Variants in GARS1 observed in about 807,000 individuals in gnomAD.
GARS1 encodes glycyl-tRNA synthetase 1, also known as glycine--tRNA ligase.
GARS1 carries 46 observed loss-of-function variants against 86.4 expected under a neutral mutation model. The ratio of observed to expected loss-of-function variants is 0.53; its 90% CI spans 0.42 to 0.68. The LOEUF (loss-of-function observed/expected upper bound fraction) is 0.68, where lower values mean the gene tolerates loss of function less well. GARS1 is among the 30% of genes least tolerant of loss of function. The pLI is 0.00. For missense variants in GARS1, 797 were observed against 915.6 expected (o/e 0.87, Z 1.67); for synonymous variants, 342 against 329.8 (o/e 1.04, Z -0.40).
intron 1 of GARS1, chr7:30,595,974 A>C: frequency 2.2e-6 from 1 of 460,110 alleles, no homozygotes; most frequent in Non-Finnish European, 4.5e-6. Flanking sequence ...TGGTGATTTA[A>C]TATAGACCTC....
At chr7:30,597,474 C>A (rs1275365653) in intron 1 of GARS1, among the ~76,000 whole-genome samples, 1 of 152,170 alleles carries the variant, frequency 6.6e-6, no homozygotes, top group African/African-American at 2.4e-5. Flanking sequence ...TGTCTTTCTT[C>A]ATATACTTTA....
intron 14 of GARS1, among the ~76,000 whole-genome samples, chr7:30,630,079 A>T (rs1783206346): frequency 6.6e-6 from 1 of 152,222 alleles, no homozygotes. Flanking sequence ...GAAGCCAAAA[A>T]TGTTTCTAAA....
chr7:30,621,594 T>G, intron 11 of GARS1, 94 bp downstream of exon 11: 1 of 928,336 alleles, frequency 1.1e-6, no homozygotes, highest in Non-Finnish European at 1.8e-6. Flanking sequence ...TATGGATAAA[T>G]GGAGATGTTT....
intron 1 of GARS1, among the ~76,000 whole-genome samples, chr7:30,596,180 G>A (rs1791242548): frequency 1.3e-5 from 2 of 152,186 alleles, no homozygotes; most frequent in Non-Finnish European, 2.9e-5. Flanking sequence ...GCTACAGAGG[G>A]TGGAACCCTA....
At chr7:30,594,784 GCGCCGCGTCA>G, upstream of GARS1, 1 of 719,830 alleles carries the variant, frequency 1.4e-6, no homozygotes, top group East Asian at 2.9e-5. Context: ...CGGCGACCCG[GCGCCGCGTCA>G]CGCGGTGGTG....
rs1224733756 is a variant in GARS1 at position 30,612,080 on chromosome 7, T to G, written c.882-16T>G. 3.7e-6 allele frequency: 6 copies of G among 1,608,104 alleles called. No homozygotes were observed. Among genetic ancestry groups the G allele is most frequent in the Non-Finnish European group, 5.1e-6 (6 of 1,174,546 alleles). On this transcript the variant is annotated splice_polypyrimidine_tract_variant and intron_variant, in intron 7 of 16. Coordinates refer to ENST00000389266, the MANE Select transcript of GARS1 (RefSeq NM_002047.4). ...ATTTCTTTCTTTGTAACAGACTGAC[T>G]TACTTAAATTTATAGGTACTTGAGA...
intron 7 of GARS1, among the ~76,000 whole-genome samples, chr7:30,611,237 G>A (rs1401291979): frequency 6.6e-6 from 1 of 152,252 alleles, no homozygotes; most frequent in African/African-American, 2.4e-5. Flanking sequence ...ATAATAAAAT[G>A]ATTTGAAAAA....
At chr7:30,626,187 A>C in intron 12 of GARS1, 47 bp from the exon 13 acceptor site, 1 of 1,174,766 alleles carries the variant, frequency 8.5e-7, no homozygotes, top group South Asian at 1.2e-5. Flanking sequence ...ATTAAGGCAC[A>C]GGGTGCCTGT....
chr7:30,632,017 C>G lies in GARS1; in HGVS notation c.1904-230C>G, dbSNP rs552166404. On this transcript the variant is annotated intron_variant, in intron 15 of 16. Transcript: ENST00000389266. The surrounding 1 kb of genome is among the most constrained non-coding windows in gnomAD (Gnocchi z 4.1). ...CACCTTCTGGCCTTGGCTCTTGGTC[C>G]CATATTTGTTCCCCCTATAGCTGTA... 22 of 530,440 alleles carry G rather than the reference C, an allele frequency of 4.1e-5. No individual in the cohort carries two copies. In the African/African-American group the frequency reaches 4.2e-4, roughly 10 times the overall value. 32.9% of individuals were successfully genotyped at this position (530,440 alleles called of 1,614,324 possible).
chr7:30,619,339 G>A (rs1456598950), intron 10 of GARS1, among the ~76,000 whole-genome samples: 1 of 152,168 alleles, frequency 6.6e-6, no homozygotes, highest in Admixed American at 6.5e-5. Context: ...CTCTTAAGGA[G>A]AGGGGAGAAC....
intron 7 of GARS1, 130 bp downstream of exon 7, chr7:30,609,860 T>C (rs1328506445): frequency 1.4e-6 from 1 of 728,474 alleles, no homozygotes; most frequent in Non-Finnish European, 2.3e-6. Flanking sequence ...GATGAATGTA[T>C]TATGGAGAAA....
intron 8 of GARS1, among the ~76,000 whole-genome samples, chr7:30,612,682 G>T (rs943887290): frequency 6.6e-6 from 1 of 152,074 alleles, no homozygotes; most frequent in Admixed American, 6.5e-5. Context: ...TGAAGTTGGG[G>T]TGAGGATGTA....
At chr7:30,602,561 C>G (rs186015312) in intron 4 of GARS1, among the ~76,000 whole-genome samples, 1 of 152,336 alleles carries the variant, frequency 6.6e-6, no homozygotes, top group Admixed American at 6.5e-5. Context: ...ACTTGTTCCA[C>G]CAATAGGAAC....
chr7:30,632,382 C>A lies in GARS1; in HGVS notation c.2039C>A (p.Thr680Asn). 1 of 1,614,012 alleles carries A rather than the reference C, an allele frequency of 6.2e-7. No homozygotes were observed. Among genetic ancestry groups the A allele is most frequent in the Non-Finnish European group, 8.5e-7 (1 of 1,179,978 alleles). ...ATTGACTTTGACACAGTGAACAAGACCCCCCACACTGCAACTCTGAGGGAC... is the reference window on the plus strand; with the variant it reads ...ATTGACTTTGACACAGTGAACAAGAACCCCCACACTGCAACTCTGAGGGAC... ...VTIDFDTVNKTPHTATLRDRD... is the reference protein window; with the variant it reads ...VTIDFDTVNKNPHTATLRDRD... The change falls in exon 16 of 17, where the codon ACC (threonine) becomes AAC (asparagine). Residue 680 changes from threonine (T) to asparagine (N), a missense_variant. Thr to Asn is a moderately conservative substitution (Grantham distance 65, BLOSUM62 0). Around this residue, in one of 2 missense-constraint regions of GARS1, gnomAD observed 598 missense variants for 738.7 expected, o/e 0.81. Transcript: ENST00000389266. This position sits in a 1 kb window ranked among gnomAD's most constrained non-coding sequence, Gnocchi z 4.1.
At chr7:30,631,611 A>G in intron 15 of GARS1, 70 bp downstream of exon 15, 2 of 958,894 alleles carry the variant, frequency 2.1e-6, no homozygotes, top group Non-Finnish European at 3.4e-6. Flanking sequence ...GAAATGTATC[A>G]TTTATTTCAA....
intron 12 of GARS1, among the ~76,000 whole-genome samples, chr7:30,623,785 T>TA: frequency 6.6e-6 from 1 of 152,074 alleles, no homozygotes; most frequent in East Asian, 1.9e-4. Flanking sequence ...ATCAAATAGC[T>TA]AAAAACCAGG....
chr7:30,606,018 T>G (rs973648476), intron 6 of GARS1, among the ~76,000 whole-genome samples: 1 of 152,214 alleles, frequency 6.6e-6, no homozygotes, highest in African/African-American at 2.4e-5. Flanking sequence ...CATTAAAATT[T>G]TTTTCAAGAA....
chr7:30,625,199 C>T (rs1783102572), intron 12 of GARS1, among the ~76,000 whole-genome samples: 1 of 152,176 alleles, frequency 6.6e-6, no homozygotes, highest in African/African-American at 2.4e-5. Context: ...CTACCTTGAC[C>T]TCCCAAAGTG....
Position 30,622,457 on chromosome 7 carries a change from GA to G in GARS1, c.1611del (p.Glu539AsnfsTer13). ...CAGAAATGGAGATGCTGCTGAATGA[GA>G]AAGGGTAAGATATCAGATGTTTACT... ...ITEMEMLLNE[K>X]GEFTIETEGK... On this transcript the variant is annotated frameshift_variant, in exon 12 of 17. Transcript: ENST00000389266. LOFTEE classifies it high-confidence loss of function. The G allele has an allele frequency of 6.2e-7, 1 of 1,614,146 alleles. No individual in the cohort carries two copies. Among genetic ancestry groups the G allele is most frequent in the Non-Finnish European group, 8.5e-7 (1 of 1,180,012 alleles).
Sources: gnomAD v4.1 joint callset for allele counts (sites outside exome capture counted in the v4.1 genomes callset) on GRCh38, gnomAD v4.1.1 for gene constraint, gnomAD v4.1.1 regional missense constraint, Gnocchi (gnomAD v3.1) non-coding constraint, MANE v1.5 for transcripts, NCBI Gene and HGNC (gene_info 2026-07-23, HGNC 2026-07-21) for gene names.